TMEM69: variants seen among roughly 807,000 people sequenced by gnomAD.
The protein encoded by TMEM69 is transmembrane protein 69, also known as chromosome 1 open reading frame 154.
In TMEM69, 17 loss-of-function variants were observed where a neutral mutation model predicts 15.8. The ratio of observed to expected loss-of-function variants is 1.07; its 90% CI spans 0.73 to 1.61. TMEM69 has a LOEUF of 1.61. TMEM69 is among the 40% of genes most tolerant of loss of function. The pLI is 0.00. For synonymous variants in TMEM69, 80 were observed against 98.6 expected (o/e 0.81, Z 1.12); for missense variants, 230 against 286.1 (o/e 0.80, Z 1.41).
chr1:45,694,259 A>G lies in TMEM69; in HGVS notation c.*354A>G. On this transcript the variant is annotated 3_prime_UTR_variant, in exon 3 of 3. Transcript: ENST00000372025. ...AATTTATCTTCACAGATTGTTCTTC[A>G]TTTCTAGAAATTGTTACTTCATGGT... The G allele has an allele frequency of 1.7e-6, 1 of 582,524 alleles. No homozygotes were observed. Among genetic ancestry groups the G allele is most frequent in the South Asian group, 2.2e-5 (1 of 46,338 alleles). The allele number at this position is 582,524 out of a possible 1,614,324, so 36.1% of individuals were successfully genotyped here.
At chr1:45,692,490 G>A (rs1645350957) in intron 2 of TMEM69, among the ~76,000 whole-genome samples, 2 of 152,144 alleles carry the variant, frequency 1.3e-5, no homozygotes, top group Admixed American at 1.3e-4. Flanking sequence ...GGATTTTAAG[G>A]CAAGGAAAAA....
chr1:45,692,576 TATG>T (rs1355266793), intron 2 of TMEM69, among the ~76,000 whole-genome samples: 7 of 152,154 alleles, frequency 4.6e-5, no homozygotes, highest in Non-Finnish European at 7.4e-5. Flanking sequence ...TGAGAAGAAT[TATG>T]ATGGAAGTGT....
At position 45,693,279 on chromosome 1, in the gene TMEM69, C is replaced by T. The variant is rs537668132; in HGVS notation, c.118C>T (p.Gln40Ter). Reference protein sequence around the residue: ...DILSLKMSLQQNFSPCPRPWL... With the variant: ...DILSLKMSLQ ...ACTTTCTCTCAAGATGTCTCTCCAG[C>T]AAAACTTTTCCCCATGTCCAAGGCC... The change falls in exon 3 of 3, where the codon CAA becomes TAA. Residue 40 changes from glutamine (Q) to a stop codon, truncating the protein, a stop_gained. Transcript: ENST00000372025. LOFTEE classifies it high-confidence loss of function. 14 of 1,614,182 alleles carry T rather than the reference C, an allele frequency of 8.7e-6. No individual in the cohort carries two copies. In the South Asian group the frequency reaches 1.3e-4, roughly 15 times the overall value.
chr1:45,689,822 A>T (rs1645332138), intron 1 of TMEM69, among the ~76,000 whole-genome samples: 1 of 151,922 alleles, frequency 6.6e-6, no homozygotes, highest in Admixed American at 6.6e-5. Flanking sequence ...TGGGCGACAG[A>T]GCAAGACTCC....
In TMEM69 at chr1:45,690,894, G is replaced by C. The variant is rs141604370; in HGVS notation, c.-95-80G>C. On this transcript the variant is annotated intron_variant, in intron 1 of 2. Transcript: ENST00000372025. ...TTAATGATTCTTTTCAAAGGAAAGTGTTATATTCATGAATTACTACTATTT... is the reference window on the plus strand; with the variant it reads ...TTAATGATTCTTTTCAAAGGAAAGTCTTATATTCATGAATTACTACTATTT... 1,442 of 654,944 alleles carry C rather than the reference G, an allele frequency of 2.2e-3. 8 individuals are homozygous for C. The highest frequency in any genetic ancestry group is 1.7e-3 in the Non-Finnish European group (619 of 368,920). 40.6% of individuals were successfully genotyped at this position (654,944 alleles called of 1,614,324 possible).
intron 1 of TMEM69, among the ~76,000 whole-genome samples, chr1:45,690,721 G>A (rs1230973682): frequency 4.6e-5 from 7 of 151,892 alleles, no homozygotes; most frequent in Admixed American, 3.3e-4. Context: ...AATTTGCCCA[G>A]TGTCACACAG....
rs1377721061 is a variant in TMEM69 at position 45,694,039 on chromosome 1, A to G, written c.*134A>G. ...AGCGCCTCTGCCCGGCCGCTGTGCA[A>G]CCTTCCACGTGTGAAGTGACAGCCT... On this transcript the variant is annotated 3_prime_UTR_variant, in exon 3 of 3. Coordinates refer to ENST00000372025, the MANE Select transcript of TMEM69 (RefSeq NM_016486.4). 3.4e-6 allele frequency: 2 copies of G among 582,576 alleles called. No homozygotes were observed. The highest frequency in any genetic ancestry group is 2.4e-5 in the South Asian group (1 of 42,016). 36.1% of individuals were successfully genotyped at this position (582,576 alleles called of 1,614,324 possible).
rs1645340953 is a variant in TMEM69, at chr1:45,690,967, T to C, written c.-95-7T>C. 2.3e-6 allele frequency: 3 copies of C among 1,284,216 alleles called. No homozygotes were observed. Among genetic ancestry groups the C allele is most frequent in the East Asian group, 2.3e-5 (1 of 43,224 alleles). The allele number at this position is 1,284,216 out of a possible 1,614,324, so 79.6% of individuals were successfully genotyped here. A position where few individuals can be genotyped will look rare whatever the true frequency, so the allele number is the denominator to read the frequency against. On this transcript the variant is annotated splice_region_variant and splice_polypyrimidine_tract_variant and intron_variant, in intron 1 of 2. Coordinates refer to ENST00000372025, the MANE Select transcript of TMEM69 (RefSeq NM_016486.4). ...GAAAATTAAGTGACACCTTGTGTTA[T>C]ACACAGAAACATGCCCCTGATTCAG...
Position 45,693,991 on chromosome 1 carries a change from C to T in TMEM69, c.*86C>T. 1.1e-6 allele frequency: 1 copy of T among 881,038 alleles called. No individual in the cohort carries two copies. Among genetic ancestry groups the T allele is most frequent in the Non-Finnish European group, 1.7e-6 (1 of 595,836 alleles). 54.6% of individuals were successfully genotyped at this position (881,038 alleles called of 1,614,324 possible). A position where few individuals can be genotyped will look rare whatever the true frequency, so the allele number is the denominator to read the frequency against. On this transcript the variant is annotated 3_prime_UTR_variant, in exon 3 of 3. Coordinates refer to ENST00000372025, the MANE Select transcript of TMEM69 (RefSeq NM_016486.4). Reference sequence around the variant, plus strand: ...GTGAGGAGCGCCTCTGCCTGGCCGCCTGACCATCTGGGAAGTGTGACAAGC... The same window carrying T: ...GTGAGGAGCGCCTCTGCCTGGCCGCTTGACCATCTGGGAAGTGTGACAAGC...
intron 2 of TMEM69, 103 bp from the exon 3 acceptor site, chr1:45,693,099 TGC>T: frequency 2.6e-6 from 2 of 783,086 alleles, no homozygotes; most frequent in Non-Finnish European, 2.0e-6. Context: ...CTTTTTTGTT[TGC>T]TCCTTTCAAA....
rs139037973 is a variant in TMEM69 at position 45,691,541 on chromosome 1, T to TA, written c.42+445dup. Among the ~76,000 whole-genome samples the TA allele has an allele frequency of 6.4e-3, 915 of 143,552 alleles. 11 individuals are homozygous for TA. The highest frequency in any genetic ancestry group is 0.038 in the Admixed American group (549 of 14,362). 94.2% of individuals were successfully genotyped at this position (143,552 alleles called of 152,430 possible). A position where few individuals can be genotyped will look rare whatever the true frequency, so the allele number is the denominator to read the frequency against. ...CTGGGTGACACAGCAAGACGATGTTTAAAAAAAAAAAAAATTGGCTAGGTG... is the reference window on the plus strand; with the variant it reads ...CTGGGTGACACAGCAAGACGATGTTTAAAAAAAAAAAAAAATTGGCTAGGTG... On this transcript the variant is annotated intron_variant, in intron 2 of 2. Coordinates refer to ENST00000372025, the MANE Select transcript of TMEM69 (RefSeq NM_016486.4).
At chr1:45,692,477 T>C (rs1225222387) in intron 2 of TMEM69, among the ~76,000 whole-genome samples, 2 of 152,022 alleles carry the variant, frequency 1.3e-5, no homozygotes. Context: ...TGAAAGGCAG[T>C]GGGGATTTTA....
At chr1:45,692,408 A>G (rs1469823980) in intron 2 of TMEM69, among the ~76,000 whole-genome samples, 1 of 152,180 alleles carries the variant, frequency 6.6e-6, no homozygotes, top group Non-Finnish European at 1.5e-5. Context: ...TTTTTAGTTG[A>G]AGTCTGGTCA....
chr1:45,692,887 TCTAGTCTTTAC>T (rs1215709238), intron 2 of TMEM69, among the ~76,000 whole-genome samples: 1 of 152,218 alleles, frequency 6.6e-6, no homozygotes, highest in East Asian at 1.9e-4. Flanking sequence ...ATTCTGAAGA[TCTAGTCTTTAC>T]CTGCTCCTCT....
At chr1:45,690,571 A>C (rs1433233964) in intron 1 of TMEM69, among the ~76,000 whole-genome samples, 1 of 152,124 alleles carries the variant, frequency 6.6e-6, no homozygotes, top group East Asian at 1.9e-4. Context: ...TGAGTTGTGA[A>C]CTCTTAAGCC....
intron 2 of TMEM69, among the ~76,000 whole-genome samples, chr1:45,692,012 G>A (rs1049114767): frequency 6.6e-5 from 10 of 152,062 alleles, no homozygotes; most frequent in African/African-American, 2.2e-4. Flanking sequence ...GCTGGGCATG[G>A]TGGCGGACGC....
intron 2 of TMEM69, 46 bp from the exon 3 acceptor site, chr1:45,693,158 A>C: frequency 1.5e-6 from 2 of 1,367,506 alleles, no homozygotes; most frequent in Non-Finnish European, 2.0e-6. Context: ...CTGATGATAC[A>C]TATATATATT....
chr1:45,691,318 GGT>G (rs1645343739), intron 2 of TMEM69, among the ~76,000 whole-genome samples: 1 of 152,182 alleles, frequency 6.6e-6, no homozygotes, highest in Non-Finnish European at 1.5e-5. Flanking sequence ...GGCAGGCCGA[GGT>G]GGGTGGGATC....
rs1286687606 is a variant in TMEM69 at position 45,693,656 on chromosome 1, T to G, written c.495T>G (p.Ser165Arg). 6.2e-7 allele frequency: 1 copy of G among 1,614,130 alleles called. No homozygotes were observed. Among genetic ancestry groups the G allele is most frequent in the Non-Finnish European group, 8.5e-7 (1 of 1,180,046 alleles). ...AKPDYLNLASSAAPLFFSWFA... is the reference protein window; with the variant it reads ...AKPDYLNLASRAAPLFFSWFA... The stretch of plus-strand genomic sequence containing the variant: ...CAGACTACCTTAATTTAGCTAGCAG[T>G]GCAGCTCCTCTTTTCTTTTCATGGT... The change falls in exon 3 of 3, where the codon AGT becomes AGG. Residue 165 changes from serine to arginine, a missense_variant. Physicochemically the swap from Ser to Arg is moderately radical, Grantham distance 110 (BLOSUM62 -1). Coordinates refer to ENST00000372025, the MANE Select transcript of TMEM69 (RefSeq NM_016486.4).
Sources: gnomAD v4.1 joint callset for allele counts (sites outside exome capture counted in the v4.1 genomes callset) on GRCh38, gnomAD v4.1.1 for gene constraint, MANE v1.5 for transcripts, NCBI Gene and HGNC (gene_info 2026-07-23, HGNC 2026-07-21) for gene names.